CLASP1: variants seen among roughly 807,000 people sequenced by gnomAD.
The protein encoded by CLASP1 is CLIP-associating protein 1.
CLASP1 carries 38 observed loss-of-function variants against 192.3 expected under a neutral mutation model. The observed-to-expected ratio is 0.20, with a 90% CI of 0.15 to 0.26. The LOEUF (loss-of-function observed/expected upper bound fraction) is 0.26. Ranked by LOEUF, CLASP1 falls within the 10% of genes least tolerant of loss-of-function variation. The pLI is 1.00. For missense variants in CLASP1, 1,433 were observed against 1,932.5 expected (o/e 0.74, Z 4.85); for synonymous variants, 691 against 712.8 (o/e 0.97, Z 0.49).
intron 19 of CLASP1, chr2:121,444,868 G>T: frequency 1.9e-6 from 2 of 1,031,086 alleles, no homozygotes; most frequent in Non-Finnish European, 2.7e-6. Context: ...GTGGGTACTG[G>T]GCAACACTCG....
At chr2:121,611,309 AAG>A (rs1358018699) in intron 1 of CLASP1, among the ~76,000 whole-genome samples, 2 of 136,744 alleles carry the variant, frequency 1.5e-5, no homozygotes, top group Non-Finnish European at 3.2e-5. Flanking sequence ...TTACAGGAGA[AAG>A]AGGAACTGGA....
chr2:121,437,684 T>C (rs2082539503), intron 19 of CLASP1, among the ~76,000 whole-genome samples: 1 of 152,248 alleles, frequency 6.6e-6, no homozygotes, highest in Non-Finnish European at 1.5e-5. Flanking sequence ...TCTGTTCTTT[T>C]CAGTTTAGTA....
At chr2:121,409,689 C>T (rs1574461214) in intron 24 of CLASP1, among the ~76,000 whole-genome samples, 2 of 152,192 alleles carry the variant, frequency 1.3e-5, no homozygotes, top group African/African-American at 4.8e-5. Context: ...TTGACCTCCA[C>T]TTCCCAGGGT....
At chr2:121,443,339 T>C (rs2083694197) in intron 19 of CLASP1, among the ~76,000 whole-genome samples, 1 of 152,084 alleles carries the variant, frequency 6.6e-6, no homozygotes, top group South Asian at 2.1e-4. Context: ...CTGATTTCAA[T>C]TCTGTTATAT....
intron 2 of CLASP1, among the ~76,000 whole-genome samples, chr2:121,601,919 A>T (rs938261314): frequency 1.3e-5 from 2 of 152,180 alleles, no homozygotes; most frequent in Non-Finnish European, 2.9e-5. Flanking sequence ...TCACGACTGT[A>T]ATCCCAGCAC....
chr2:121,442,481 C>CTTTTTTTTTTTTTTTTTTTTTT (rs761873166), intron 19 of CLASP1, among the ~76,000 whole-genome samples: 3 of 144,404 alleles, frequency 2.1e-5, no homozygotes, highest in African/African-American at 5.0e-5. Context: ...AAATTTCTTT[C>CTTTTTTTTTTTTTTTTTTTTTT]TTTTTTTTTT....
At chr2:121,398,024 A>C (rs2075577068) in intron 29 of CLASP1, among the ~76,000 whole-genome samples, 1 of 152,238 alleles carries the variant, frequency 6.6e-6, no homozygotes, top group African/African-American at 2.4e-5. Context: ...AGTACTGTCC[A>C]AATGCTGGTG....
chr2:121,458,981 A>G lies in CLASP1; in HGVS notation c.1179-6T>C, dbSNP rs1575060911. On this transcript the variant is annotated splice_polypyrimidine_tract_variant and splice_region_variant and intron_variant, in intron 12 of 39. Transcript: ENST00000263710. ...CCAGAACTGATGACAGATGCCTAAA[A>G]CAAGAAAAGGATACTGGACTATAGT... 6.3e-7 allele frequency: 1 copy of G among 1,598,310 alleles called. No individual in the cohort carries two copies. Among genetic ancestry groups the G allele is most frequent in the Non-Finnish European group, 8.5e-7 (1 of 1,173,338 alleles).
exon 24 of CLASP1, chr2:121,410,893 A>G (rs2077601331): frequency 6.2e-7 from 1 of 1,611,778 alleles, no homozygotes; most frequent in South Asian, 1.1e-5. Context: ...CAGCTTCAAG[A>G]TCTGTACTTG....
intron 2 of CLASP1, 35 bp downstream of exon 2, chr2:121,605,666 C>T: frequency 1.3e-6 from 2 of 1,563,846 alleles, no homozygotes; most frequent in Admixed American, 3.3e-5. Flanking sequence ...TGCAGCCCAG[C>T]CACCTCCAAA....
intron 1 of CLASP1, among the ~76,000 whole-genome samples, chr2:121,636,464 C>T (rs10210074): frequency 6.6e-6 from 1 of 150,710 alleles, no homozygotes; most frequent in Non-Finnish European, 1.5e-5. Flanking sequence ...AGGAGTTCGA[C>T]ACCAGACTGA....
chr2:121,433,423 G>C (rs185011718), intron 19 of CLASP1, among the ~76,000 whole-genome samples: 1 of 151,546 alleles, frequency 6.6e-6, no homozygotes, highest in East Asian at 1.9e-4. Flanking sequence ...TTTTAGATAA[G>C]AGGGTTTTTC....
chr2:121,640,517 A>C (rs1261615892), intron 1 of CLASP1, among the ~76,000 whole-genome samples: 1 of 152,172 alleles, frequency 6.6e-6, no homozygotes, highest in Non-Finnish European at 1.5e-5. Flanking sequence ...TCTAAAAAGG[A>C]CTGTACAGTC....
At chr2:121,435,384 C>T (rs1043191087) in intron 19 of CLASP1, among the ~76,000 whole-genome samples, 4 of 152,126 alleles carry the variant, frequency 2.6e-5, no homozygotes, top group Admixed American at 1.3e-4. Context: ...AAGTGATTCT[C>T]CTGCCTCAGC....
intron 34 of CLASP1, among the ~76,000 whole-genome samples, chr2:121,371,709 T>C (rs2068775756): frequency 6.6e-6 from 1 of 152,106 alleles, no homozygotes; most frequent in Non-Finnish European, 1.5e-5. Flanking sequence ...CTCAAGCCCC[T>C]AAAGCCGCCC....
At chr2:121,381,933 C>A (rs898510655) in intron 33 of CLASP1, among the ~76,000 whole-genome samples, 2 of 152,138 alleles carry the variant, frequency 1.3e-5, no homozygotes. Flanking sequence ...GAGCACTGCA[C>A]TGTACAGAAA....
At chr2:121,546,415 A>C (rs1254926721) in intron 2 of CLASP1, among the ~76,000 whole-genome samples, 6 of 151,682 alleles carry the variant, frequency 4.0e-5, no homozygotes. Context: ...ACCTTCAATT[A>C]AACATCCAGG....
chr2:121,563,170 C>T (rs543819120), intron 2 of CLASP1, among the ~76,000 whole-genome samples: 66 of 152,318 alleles, frequency 4.3e-4, no homozygotes, highest in African/African-American at 1.4e-3. Flanking sequence ...TTCTCTCTCC[C>T]TTCTCTGACC....
intron 39 of CLASP1, among the ~76,000 whole-genome samples, chr2:121,346,232 C>T (rs1360918720): frequency 6.6e-6 from 1 of 152,240 alleles, no homozygotes; most frequent in Non-Finnish European, 1.5e-5. Flanking sequence ...GCTTTCTCCA[C>T]AGGCAGGTCC....
Sources: gnomAD v4.1 joint callset for allele counts (sites outside exome capture counted in the v4.1 genomes callset) on GRCh38, gnomAD v4.1.1 for gene constraint, MANE v1.5 for transcripts, NCBI Gene and HGNC (gene_info 2026-07-23, HGNC 2026-07-21) for gene names.